The following CSMD1 variants were observed in gnomAD, a reference collection of about 807,000 sequenced individuals.
CSMD1 encodes the protein CUB and sushi domain-containing protein 1.
Under a neutral mutation model 417.5 loss-of-function variants are expected in CSMD1, and 213 were observed. That is an observed-to-expected ratio of 0.51 (90% CI 0.46 to 0.57). The LOEUF is 0.57. Ranked by LOEUF, CSMD1 falls within the 20% of genes least tolerant of loss-of-function variation. The probability of loss-of-function intolerance (pLI) is 0.00; values close to 1 mark genes in which losing one functional copy is unlikely to be tolerated. For synonymous variants in CSMD1, 2,862 were observed against 1,736.8 expected, an observed-to-expected ratio of 1.65 and a Z score of -16.11; for missense variants, 6,923 against 4,529.7, an observed-to-expected ratio of 1.53 and a Z score of -15.17.
chr8:4,425,789 C>T (rs1461112574), intron 2 of CSMD1, among the ~76,000 whole-genome samples: 1 of 152,114 alleles, frequency 6.6e-6, no homozygotes, highest in Non-Finnish European at 1.5e-5. Context: ...AGTAGCAAGT[C>T]TTCCTTCTGT....
chr8:3,240,103 C>G (rs1799401200), intron 26 of CSMD1, among the ~76,000 whole-genome samples: 1 of 152,134 alleles, frequency 6.6e-6, no homozygotes, highest in Non-Finnish European at 1.5e-5. Flanking sequence ...CACAAGAAGA[C>G]TTGAGGGCTA....
At chr8:4,315,065 C>G (rs947125177) in intron 3 of CSMD1, among the ~76,000 whole-genome samples, 1 of 152,138 alleles carries the variant, frequency 6.6e-6, no homozygotes, top group South Asian at 2.1e-4. Context: ...ACTGCCCCGA[C>G]CATTTGAATG....
At chr8:4,680,194 T>C (rs572027373) in intron 1 of CSMD1, among the ~76,000 whole-genome samples, 17 of 152,310 alleles carry the variant, frequency 1.1e-4, no homozygotes, top group South Asian at 2.1e-4. Flanking sequence ...TTTCTTCAGA[T>C]CTAATTGTGT....
chr8:4,251,157 A>C (rs1489727485), intron 3 of CSMD1, among the ~76,000 whole-genome samples: 1 of 152,224 alleles, frequency 6.6e-6, no homozygotes, highest in Non-Finnish European at 1.5e-5. Context: ...AAAGGTATAC[A>C]AGGCCAATGA....
chr8:3,592,223 A>G (rs1800881787), intron 8 of CSMD1, among the ~76,000 whole-genome samples: 1 of 152,134 alleles, frequency 6.6e-6, no homozygotes, highest in Non-Finnish European at 1.5e-5. Flanking sequence ...AAGTGGATAG[A>G]TAGATACATA....
At chr8:4,351,474 T>C (rs1801089774) in intron 3 of CSMD1, among the ~76,000 whole-genome samples, 1 of 152,212 alleles carries the variant, frequency 6.6e-6, no homozygotes, top group Admixed American at 6.5e-5. Context: ...CCATAGCTAT[T>C]ACTGTGCCAA....
intron 3 of CSMD1, among the ~76,000 whole-genome samples, chr8:4,070,511 C>A (rs975024445): frequency 1.3e-5 from 2 of 152,114 alleles, no homozygotes; most frequent in Admixed American, 6.5e-5. Context: ...GCGCCCGCCA[C>A]CACGGCCGGC....
intron 5 of CSMD1, among the ~76,000 whole-genome samples, chr8:3,865,940 G>C (rs13274973): frequency 0.079 from 12,089 of 152,074 alleles, 545 homozygotes; most frequent in South Asian, 0.15. Context: ...TGTTTCCCTC[G>C]TGTCTGGGAA....
intron 18 of CSMD1, among the ~76,000 whole-genome samples, chr8:3,370,004 A>T (rs1207163540): frequency 6.6e-6 from 1 of 152,206 alleles, no homozygotes; most frequent in Non-Finnish European, 1.5e-5. Context: ...AGGTGTTTGC[A>T]ATGATTGCCA....
At chr8:3,720,296 A>C (rs1465084113) in intron 6 of CSMD1, among the ~76,000 whole-genome samples, 1 of 152,132 alleles carries the variant, frequency 6.6e-6, no homozygotes. Context: ...GAGCTTACAG[A>C]AGAAAAAAGA....
chr8:4,971,909 G>C (rs779477738), intron 1 of CSMD1, among the ~76,000 whole-genome samples: 1 of 151,936 alleles, frequency 6.6e-6, no homozygotes, highest in Non-Finnish European at 1.5e-5. Context: ...GATGACTTAG[G>C]ACATTTTCTA....
chr8:4,488,508 T>G (rs1801531545), intron 2 of CSMD1, among the ~76,000 whole-genome samples: 2 of 152,100 alleles, frequency 1.3e-5, no homozygotes, highest in Non-Finnish European at 2.9e-5. Flanking sequence ...CTACTCTGAA[T>G]CAAACATTGG....
At chr8:2,965,630 T>C (rs1210989934) in intron 59 of CSMD1, 145 bp downstream of exon 59, 17 of 634,908 alleles carry the variant, frequency 2.7e-5, no homozygotes, top group Non-Finnish European at 4.6e-5. Context: ...ATTATAAAAA[T>C]AAAGTGACTT....
At chr8:3,735,393 G>A (rs371219602) in intron 6 of CSMD1, among the ~76,000 whole-genome samples, 2 of 152,120 alleles carry the variant, frequency 1.3e-5, no homozygotes, top group African/African-American at 4.8e-5. Context: ...TTGAGCAACT[G>A]TATAATTTAC....
chr8:4,825,150 G>A (rs1363233100), intron 1 of CSMD1, among the ~76,000 whole-genome samples: 1 of 152,022 alleles, frequency 6.6e-6, no homozygotes, highest in South Asian at 2.1e-4. Context: ...TTTTCTACCT[G>A]AAGAAGTGGG....
intron 6 of CSMD1, among the ~76,000 whole-genome samples, chr8:3,732,542 T>C (rs568097773): frequency 6.6e-6 from 1 of 152,286 alleles, no homozygotes; most frequent in African/African-American, 2.4e-5. Context: ...TATAATTTCT[T>C]AGTACATTCT....
intron 1 of CSMD1, among the ~76,000 whole-genome samples, chr8:4,918,024 G>A (rs1457443349): frequency 6.6e-6 from 1 of 152,102 alleles, no homozygotes; most frequent in African/African-American, 2.4e-5. Context: ...AAAATCACTT[G>A]TAAAATAATA....
At chr8:3,358,527 G>A (rs1454101451) in intron 21 of CSMD1, among the ~76,000 whole-genome samples, 1 of 152,154 alleles carries the variant, frequency 6.6e-6, no homozygotes. Flanking sequence ...CACCCCACTG[G>A]ATCAGCAAGC....
intron 31 of CSMD1, among the ~76,000 whole-genome samples, chr8:3,203,058 A>G (rs186924141): frequency 3.0e-4 from 46 of 152,324 alleles, no homozygotes; most frequent in African/African-American, 1.0e-3. Flanking sequence ...TTGGGTCACA[A>G]AAGTGAATCA....
Sources: gnomAD v4.1 joint callset for allele counts (sites outside exome capture counted in the v4.1 genomes callset) on GRCh38, gnomAD v4.1.1 for gene constraint, MANE v1.5 for transcripts, NCBI Gene and HGNC (gene_info 2026-07-23, HGNC 2026-07-21) for gene names.